The following DPYD variants were observed in gnomAD, a reference collection of about 807,000 sequenced individuals.
The protein encoded by DPYD is dihydropyrimidine dehydrogenase, also known as dihydropyrimidine dehydrogenase [NADP(+)].
Under a neutral mutation model 116.2 loss-of-function variants are expected in DPYD, and 109 were observed. The observed-to-expected ratio is 0.94, with a 90% CI of 0.80 to 1.10. DPYD has a LOEUF of 1.10. DPYD is among the 50% of genes least tolerant of loss of function. DPYD has a pLI of 0.00. For synonymous variants in DPYD, 440 were observed against 432.0 expected (o/e 1.02, Z -0.23); for missense variants, 1,302 against 1,254.5 (o/e 1.04, Z -0.57).
At chr1:97,228,886 C>T (rs827497) in intron 19 of DPYD, among the ~76,000 whole-genome samples, 37,788 of 151,852 alleles carry the variant, frequency 0.25, 5,084 homozygotes, top group Middle Eastern at 0.31. Context: ...GAAAAAGATT[C>T]GAACTAACTG....
intron 8 of DPYD, among the ~76,000 whole-genome samples, chr1:97,664,024 G>A (rs571360729): frequency 6.6e-6 from 1 of 152,214 alleles, no homozygotes; most frequent in South Asian, 2.1e-4. Context: ...ATATTTACAT[G>A]TCTGTCTCCC....
At chr1:97,407,109 C>T (rs905256551) in intron 14 of DPYD, among the ~76,000 whole-genome samples, 8 of 152,060 alleles carry the variant, frequency 5.3e-5, no homozygotes, top group Middle Eastern at 6.8e-3. Context: ...AATAAACTAC[C>T]TTTCTAAATT....
intron 5 of DPYD, among the ~76,000 whole-genome samples, chr1:97,707,766 C>T (rs891224487): frequency 6.6e-6 from 1 of 151,852 alleles, no homozygotes; most frequent in Non-Finnish European, 1.5e-5. Flanking sequence ...ACATATGAGG[C>T]ATCTATTCAG....
chr1:97,302,539 T>C (rs1347492802), intron 18 of DPYD, among the ~76,000 whole-genome samples: 1 of 151,950 alleles, frequency 6.6e-6, no homozygotes, highest in Non-Finnish European at 1.5e-5. Flanking sequence ...GGATAAGACC[T>C]TGGAGTGAGG....
At chr1:97,686,487 A>T (rs1272394766) in intron 7 of DPYD, among the ~76,000 whole-genome samples, 3 of 151,464 alleles carry the variant, frequency 2.0e-5, no homozygotes, top group Non-Finnish European at 2.9e-5. Flanking sequence ...ATACAAAAAA[A>T]TTAGCCGGGC....
rs1571176913 is a variant in DPYD at position 97,678,950 on chromosome 1, AC to A, written c.850+144del. On this transcript the variant is annotated intron_variant, in intron 8 of 22. Transcript: ENST00000370192. ...CTACTTATAAAATAGAAATTTAGTT[AC>A]TTGGCCAATCATTTCTATCTGTTAT... 10 of 400,366 alleles carry A rather than the reference AC, an allele frequency of 2.5e-5. No individual in the cohort carries two copies. In the East Asian group the frequency reaches 3.9e-4, roughly 16 times the overall value. 24.8% of individuals were successfully genotyped at this position (400,366 alleles called of 1,614,324 possible).
At position 97,436,305 on chromosome 1, in the gene DPYD, C is replaced by T. The variant is rs540033924; in HGVS notation, c.1905+13754G>A. Reference sequence around the variant, plus strand: ...AATTGATATTATGTAAGCGAGCCTACTGAACAAAGCTTTTCAGCTCTTTGA... The same window carrying T: ...AATTGATATTATGTAAGCGAGCCTATTGAACAAAGCTTTTCAGCTCTTTGA... On this transcript the variant is annotated intron_variant, in intron 14 of 22. Coordinates refer to ENST00000370192, the MANE Select transcript of DPYD (RefSeq NM_000110.4). Among the ~76,000 whole-genome samples the T allele has an allele frequency of 2.6e-5, 4 of 152,130 alleles. No individual in the cohort carries two copies. In the East Asian group the frequency reaches 7.7e-4, roughly 29 times the overall value.
chr1:97,307,280 G>T (rs1481225258), intron 16 of DPYD, among the ~76,000 whole-genome samples: 1 of 151,774 alleles, frequency 6.6e-6, no homozygotes, highest in Non-Finnish European at 1.5e-5. Context: ...AAGTTAAAAT[G>T]TTTTTGAATA....
chr1:97,228,874 A>G (rs577764099), intron 19 of DPYD, among the ~76,000 whole-genome samples: 19 of 152,120 alleles, frequency 1.2e-4, no homozygotes, highest in Non-Finnish European at 2.5e-4. Context: ...TTTGAGCTGT[A>G]TGAAAAAGAT....
chr1:97,850,828 T>G lies in DPYD; in HGVS notation c.151-22632A>C, dbSNP rs1035721017. 7.9e-5 allele frequency among the ~76,000 whole-genome samples: 12 copies of G among 152,198 alleles called. No homozygotes were observed. In the South Asian group the frequency reaches 2.5e-3, roughly 32 times the overall value. ...ATTGCTTATAACTATAACTCCACCA[T>G]CTGTTCTATAAATGATATATTAAAA... is the stretch of plus-strand genomic sequence containing the variant. On this transcript the variant is annotated intron_variant, in intron 2 of 22. Transcript: ENST00000370192.
intron 10 of DPYD, among the ~76,000 whole-genome samples, chr1:97,581,716 G>A (rs1376801197): frequency 1.4e-5 from 2 of 145,178 alleles, no homozygotes; most frequent in Admixed American, 6.9e-5. Context: ...ACTGCATTCT[G>A]GCCTTGGTGA....
At chr1:97,101,755 G>C (rs1650705832) in intron 20 of DPYD, among the ~76,000 whole-genome samples, 1 of 151,992 alleles carries the variant, frequency 6.6e-6, no homozygotes, top group Non-Finnish European at 1.5e-5. Context: ...CTCAAAGTGA[G>C]AGGTTTTGAG....
Position 97,406,276 on chromosome 1 carries a change from C to CT in DPYD, c.1906-23816dup, listed in dbSNP as rs201319330. Among the ~76,000 whole-genome samples, 225 of 61,078 alleles carry CT rather than the reference C, an allele frequency of 3.7e-3. 2 individuals carry two copies. Among genetic ancestry groups the CT allele is most frequent in the African/African-American group, 8.0e-3 (221 of 27,678 alleles). 40.1% of individuals were successfully genotyped at this position (61,078 alleles called of 152,430 possible). On this transcript the variant is annotated intron_variant, in intron 14 of 22. Transcript: ENST00000370192. ...AGCTGTTGGTTTTTAGTCTCTTTAG[C>CT]TTTTTTTTTTTTTAAAATTATTAAT...
At chr1:97,333,351 C>T (rs12401348) in intron 16 of DPYD, among the ~76,000 whole-genome samples, 8,009 of 151,946 alleles carry the variant, frequency 0.053, 282 homozygotes, top group East Asian at 0.11. Context: ...GATGCACATT[C>T]GGTCTATTCC....
At chr1:97,460,625 G>A (rs2101821766) in intron 13 of DPYD, among the ~76,000 whole-genome samples, 1 of 152,270 alleles carries the variant, frequency 6.6e-6, no homozygotes, top group South Asian at 2.1e-4. Context: ...GAAGTGCAGG[G>A]AGAGGCCTTC....
intron 18 of DPYD, among the ~76,000 whole-genome samples, chr1:97,245,960 T>C (rs2100790558): frequency 6.6e-6 from 1 of 152,242 alleles, no homozygotes; most frequent in South Asian, 2.1e-4. Flanking sequence ...TAAGGCTGTG[T>C]CCCTCAGAGT....
rs147629562 is a variant in DPYD, at chr1:97,665,397, T to C, written c.850+13698A>G. Among the ~76,000 whole-genome samples the C allele has an allele frequency of 1.3e-3, 197 of 152,326 alleles. 1 individual carries two copies. The highest frequency in any genetic ancestry group is 4.5e-3 in the African/African-American group (187 of 41,584). ...AATAGTATTTTTCATTATCAATCTT[T>C]TTTCACATTGTTGTTTTTATTTTTG... On this transcript the variant is annotated intron_variant, in intron 8 of 22. Coordinates refer to ENST00000370192, the MANE Select transcript of DPYD (RefSeq NM_000110.4).
chr1:97,372,909 A>C (rs1373035017), intron 16 of DPYD, among the ~76,000 whole-genome samples: 1 of 152,194 alleles, frequency 6.6e-6, no homozygotes, highest in Admixed American at 6.5e-5. Flanking sequence ...AAGATGCAAA[A>C]TACTCACCTT....
intron 18 of DPYD, among the ~76,000 whole-genome samples, chr1:97,238,304 A>T (rs942091182): frequency 6.6e-6 from 1 of 152,126 alleles, no homozygotes; most frequent in Non-Finnish European, 1.5e-5. Flanking sequence ...CAGTAAATTC[A>T]GTTTTTATTT....
Sources: gnomAD v4.1 joint callset for allele counts (sites outside exome capture counted in the v4.1 genomes callset) on GRCh38, gnomAD v4.1.1 for gene constraint, MANE v1.5 for transcripts, NCBI Gene and HGNC (gene_info 2026-07-23, HGNC 2026-07-21) for gene names.